BICC1: variants seen among roughly 807,000 people sequenced by gnomAD.
BICC1 encodes the protein BicC family RNA binding protein 1, also known as protein bicaudal C homolog 1.
BICC1 carries 43 observed loss-of-function variants against 111.0 expected under a neutral mutation model. The ratio of observed to expected loss-of-function variants is 0.39; its 90% CI spans 0.30 to 0.50. The LOEUF (loss-of-function observed/expected upper bound fraction) is 0.50. BICC1 is among the 20% of genes least tolerant of loss of function. The probability of loss-of-function intolerance (pLI) is 0.88; values close to 1 mark genes in which losing one functional copy is unlikely to be tolerated. For missense variants in BICC1, 1,091 were observed against 1,203.2 expected (o/e 0.91, Z 1.38); for synonymous variants, 467 against 434.4 (o/e 1.07, Z -0.93).
intron 1 of BICC1, among the ~76,000 whole-genome samples, chr10:58,532,674 A>C (rs1649082): frequency 0.46 from 69,629 of 151,490 alleles, 17,047 homozygotes; most frequent in Admixed American, 0.62. Context: ...CAATTCACAG[A>C]AGAAGCAATG....
chr10:58,700,640 T>C (rs1840205180), intron 2 of BICC1, among the ~76,000 whole-genome samples: 1 of 152,106 alleles, frequency 6.6e-6, no homozygotes, highest in African/African-American at 2.4e-5. Context: ...TAGAGAAATA[T>C]TGCTCTGAGA....
At chr10:58,764,324 C>A (rs1233731674) in intron 3 of BICC1, among the ~76,000 whole-genome samples, 1 of 152,040 alleles carries the variant, frequency 6.6e-6, no homozygotes, top group Admixed American at 6.6e-5. Context: ...CTAGACTGAG[C>A]CATAGAAGTG....
intron 1 of BICC1, among the ~76,000 whole-genome samples, chr10:58,547,763 G>A (rs1333275918): frequency 6.6e-6 from 1 of 151,922 alleles, no homozygotes; most frequent in African/African-American, 2.4e-5. Flanking sequence ...TTGTAGCTTT[G>A]GCCATGGAAG....
At chr10:58,798,676 T>C in intron 11 of BICC1, 116 bp downstream of exon 11, 1 of 951,124 alleles carries the variant, frequency 1.1e-6, no homozygotes. Context: ...CAAAGCATAC[T>C]CCATTGAAAC....
At chr10:58,809,638 AT>A (rs1843836858) in intron 17 of BICC1, among the ~76,000 whole-genome samples, 1 of 152,212 alleles carries the variant, frequency 6.6e-6, no homozygotes, top group South Asian at 2.1e-4. Flanking sequence ...GATTATGTTT[AT>A]GAATGCTCAC....
At chr10:58,708,329 G>A (rs1373298337) in intron 3 of BICC1, among the ~76,000 whole-genome samples, 1 of 151,984 alleles carries the variant, frequency 6.6e-6, no homozygotes, top group Non-Finnish European at 1.5e-5. Flanking sequence ...TATTTATAGA[G>A]TACAGTATGA....
chr10:58,526,428 T>C (rs1178516749), intron 1 of BICC1, among the ~76,000 whole-genome samples: 3 of 152,078 alleles, frequency 2.0e-5, no homozygotes, highest in African/African-American at 7.2e-5. Context: ...CTAGGGTACA[T>C]GTGAACAACC....
intron 2 of BICC1, among the ~76,000 whole-genome samples, chr10:58,639,177 C>T (rs1273137962): frequency 2.6e-5 from 4 of 151,970 alleles, no homozygotes; most frequent in Non-Finnish European, 5.9e-5. Flanking sequence ...TGAATTATTC[C>T]TCCTAACTGA....
intron 8 of BICC1, among the ~76,000 whole-genome samples, chr10:58,790,279 CAA>C (rs10712140): frequency 1.3e-3 from 180 of 138,650 alleles, no homozygotes; most frequent in Middle Eastern, 7.5e-3. Flanking sequence ...TTGTATTTGG[CAA>C]AAAAAAAAAA....
In BICC1 at chr10:58,786,925, C is replaced by T. The variant is rs1022418734; in HGVS notation, c.390C>T (p.Ser130=). ...EMIMSVLDTK[S]NRVTLKMDVS... is the part of the protein sequence containing the mutation. Reference sequence around the variant, plus strand: ...AATAATACATTATTTTCACATAGAGCAATCGAGTCACACTGAAGATGGATG... The same window carrying T: ...AATAATACATTATTTTCACATAGAGTAATCGAGTCACACTGAAGATGGATG... Residue 130 remains serine (S), a splice_region_variant and synonymous_variant, in exon 5 of 21, where the codon AGC becomes AGT. Coordinates refer to ENST00000373886, the MANE Select transcript of BICC1 (RefSeq NM_001080512.3). 36 of 1,575,770 alleles carry T rather than the reference C, an allele frequency of 2.3e-5. No individual in the cohort carries two copies. Among genetic ancestry groups the T allele is most frequent in the Non-Finnish European group, 2.5e-5 (29 of 1,166,418 alleles).
At chr10:58,704,261 T>G (rs984870185) in intron 3 of BICC1, among the ~76,000 whole-genome samples, 2 of 152,202 alleles carry the variant, frequency 1.3e-5, no homozygotes, top group African/African-American at 4.8e-5. Context: ...ATTTATTTTG[T>G]ATTATTTATG....
At chr10:58,787,771 G>A (rs10826241) in intron 5 of BICC1, among the ~76,000 whole-genome samples, 60,526 of 151,890 alleles carry the variant, frequency 0.4, 12,934 homozygotes, top group Admixed American at 0.54. Flanking sequence ...ATAGTAAAAA[G>A]CAAAGACAAT....
At chr10:58,744,530 A>C (rs908440809) in intron 3 of BICC1, among the ~76,000 whole-genome samples, 2 of 152,128 alleles carry the variant, frequency 1.3e-5, no homozygotes, top group Non-Finnish European at 2.9e-5. Flanking sequence ...CATTAATAAA[A>C]ATTCATTAAT....
intron 2 of BICC1, among the ~76,000 whole-genome samples, chr10:58,678,270 A>T (rs1461813978): frequency 6.6e-6 from 1 of 152,220 alleles, no homozygotes; most frequent in African/African-American, 2.4e-5. Flanking sequence ...TAAAGACTCA[A>T]GACCCATCAG....
At chr10:58,575,867 A>G (rs951178469) in intron 1 of BICC1, among the ~76,000 whole-genome samples, 11 of 152,202 alleles carry the variant, frequency 7.2e-5, no homozygotes, top group Admixed American at 4.6e-4. Context: ...CAAGTTCACA[A>G]TAGAAGTTTG....
intron 1 of BICC1, among the ~76,000 whole-genome samples, chr10:58,545,176 A>T (rs998347696): frequency 6.6e-6 from 1 of 152,162 alleles, no homozygotes. Context: ...GTATTTCTCT[A>T]TTATGCTAAG....
At chr10:58,522,135 G>T (rs1842407528) in intron 1 of BICC1, among the ~76,000 whole-genome samples, 1 of 151,654 alleles carries the variant, frequency 6.6e-6, no homozygotes, top group South Asian at 2.1e-4. Flanking sequence ...CTTGGGGGAG[G>T]AGCACAAATC....
chr10:58,512,629 G>A (rs1249777587), upstream of BICC1, among the ~76,000 whole-genome samples: 1 of 151,948 alleles, frequency 6.6e-6, no homozygotes, highest in Non-Finnish European at 1.5e-5. Flanking sequence ...GCGTTCAGGA[G>A]TGTGTGTGTT....
At chr10:58,715,592 A>G (rs1046599545) in intron 3 of BICC1, 2 of 1,602,920 alleles carry the variant, frequency 1.2e-6, no homozygotes, top group Non-Finnish European at 1.7e-6. Flanking sequence ...ATATGCACCC[A>G]ATAGCAATGG....
Sources: gnomAD v4.1 joint callset for allele counts (sites outside exome capture counted in the v4.1 genomes callset) on GRCh38, gnomAD v4.1.1 for gene constraint, MANE v1.5 for transcripts, NCBI Gene and HGNC (gene_info 2026-07-23, HGNC 2026-07-21) for gene names.